Variants in MZT2B observed in about 807,000 individuals in gnomAD.
The protein encoded by MZT2B is mitotic spindle organizing protein 2B.
Under a neutral mutation model 12.1 loss-of-function variants are expected in MZT2B, and 11 were observed. That is an observed-to-expected ratio of 0.91 (90% CI 0.57 to 1.50). The LOEUF (loss-of-function observed/expected upper bound fraction) is 1.50. Among genes scored for constraint, MZT2B ranks in the 40% most tolerant of loss-of-function variants. MZT2B has a pLI of 0.00. For synonymous variants in MZT2B, 85 were observed against 109.5 expected, an observed-to-expected ratio of 0.78 and a Z score of 1.40; for missense variants, 209 against 227.7, an observed-to-expected ratio of 0.92 and a Z score of 0.53.
Position 130,190,726 on chromosome 2 carries a change from C to T in MZT2B, c.*100C>T. 2 of 1,453,080 alleles carry T rather than the reference C, an allele frequency of 1.4e-6. No individual in the cohort carries two copies. Among genetic ancestry groups the T allele is most frequent in the South Asian group, 1.5e-5 (1 of 66,178 alleles). 90.0% of individuals were successfully genotyped at this position (1,453,080 alleles called of 1,614,324 possible). ...TTTCTGAGATGCAGAGGGTCCAGGT[C>T]AGATGTTGTCTACCGTTTTTTTTTT... On this transcript the variant is annotated 3_prime_UTR_variant, in exon 3 of 3. Transcript: ENST00000281871.
intron 2 of MZT2B, chr2:130,184,729 A>C (rs1689992246): frequency 1.0e-6 from 1 of 985,310 alleles, no homozygotes. Context: ...AACTGGGAAC[A>C]GAGTCCTTGT....
At chr2:130,183,066 G>A in intron 2 of MZT2B, 3 of 544,702 alleles carry the variant, frequency 5.5e-6, no homozygotes, top group Non-Finnish European at 9.6e-6. Flanking sequence ...ATCCTACAAC[G>A]TCGGGAATCA....
At chr2:130,181,666 TTACCTCAAA>T (rs1689657538), upstream of MZT2B, 3 of 1,550,778 alleles carry the variant, frequency 1.9e-6, no homozygotes, top group Admixed American at 5.9e-5. Context: ...CTTTGGGCCG[TTACCTCAAA>T]AGGCGCGTGC....
intron 2 of MZT2B, chr2:130,184,757 C>G (rs1689994772): frequency 7.1e-6 from 7 of 985,436 alleles, no homozygotes; most frequent in Non-Finnish European, 8.4e-6. Flanking sequence ...GGGGATGTTG[C>G]TGCTCACTCA....
chr2:130,192,063 G>A (rs149720931), downstream of MZT2B: 359 of 1,613,524 alleles, frequency 2.2e-4, no homozygotes, highest in African/African-American at 4.1e-3. Flanking sequence ...CATGCACACG[G>A]CCCGCTGCAC....
downstream of MZT2B, among the ~76,000 whole-genome samples, chr2:130,191,420 G>A (rs957966944): frequency 1.3e-5 from 2 of 152,116 alleles, no homozygotes; most frequent in African/African-American, 4.8e-5. Flanking sequence ...TCATGGACAA[G>A]CCCCATCCAC....
chr2:130,184,888 A>G, intron 2 of MZT2B: 1 of 985,228 alleles, frequency 1.0e-6, no homozygotes, highest in Non-Finnish European at 1.2e-6. Context: ...CAGCGAGACC[A>G]GTGTGGTGGC....
the MZT2B span, among the ~76,000 whole-genome samples, chr2:130,203,678 G>A: frequency 6.6e-6 from 1 of 151,682 alleles, no homozygotes; most frequent in African/African-American, 2.4e-5. Context: ...TGAACTCCTG[G>A]GCTCAAGTGA....
chr2:130,185,322 A>C (rs1462167459), intron 2 of MZT2B, among the ~76,000 whole-genome samples: 1 of 150,768 alleles, frequency 6.6e-6, no homozygotes, highest in Non-Finnish European at 1.5e-5. Context: ...AAAAAAAAAA[A>C]AAACTAGCCA....
rs754836457 is a variant in MZT2B at position 130,186,960 on chromosome 2, T to G, written c.320-3509T>G. Among the ~76,000 whole-genome samples the G allele has an allele frequency of 4.7e-4, 58 of 122,748 alleles. 15 individuals are homozygous for G. The highest frequency in any genetic ancestry group is 9.8e-4 in the Non-Finnish European group (55 of 56,408). The allele number at this position is 122,748 out of a possible 152,430, so 80.5% of individuals were successfully genotyped here. On this transcript the variant is annotated intron_variant, in intron 2 of 2. Transcript: ENST00000281871. ...GAGGCTGGGCATTGGTTCACACCTGTAATCCCAGCACTTTGGGAGGCTGAG... is the reference window on the plus strand; with the variant it reads ...GAGGCTGGGCATTGGTTCACACCTGGAATCCCAGCACTTTGGGAGGCTGAG...
In MZT2B at chr2:130,182,650, T is replaced by A. The variant is rs1237320234; in HGVS notation, c.194T>A (p.Leu65Gln). The A allele has an allele frequency of 6.5e-7, 1 of 1,546,684 alleles. No homozygotes were observed. Among genetic ancestry groups the A allele is most frequent in the Non-Finnish European group, 8.7e-7 (1 of 1,147,006 alleles). The change falls in exon 2 of 3, where the codon CTG becomes CAG. Residue 65 changes from leucine (L) to glutamine (Q), a missense_variant. Transcript: ENST00000281871. ...AGGATCCTGGTGGACCTGCTGAAGC[T>A]GAACGTGGCCCCCCTCGCCGTCTTC... The part of the protein sequence containing the change: ...VFKILVDLLK[L>Q]NVAPLAVFQM...
intron 1 of MZT2B, 81 bp downstream of exon 1, chr2:130,182,533 G>A: frequency 1.9e-6 from 3 of 1,550,660 alleles, no homozygotes; most frequent in African/African-American, 1.4e-5. Flanking sequence ...CCCGCTGGTC[G>A]GGAGGAGCCC....
the MZT2B span, among the ~76,000 whole-genome samples, chr2:130,199,999 G>A: frequency 1.6e-4 from 24 of 152,212 alleles, no homozygotes; most frequent in African/African-American, 5.3e-4. Flanking sequence ...GGGAGGCTGA[G>A]GTAGGATAAT....
At chr2:130,194,431 G>C (rs1398400035), downstream of MZT2B, 1 of 1,596,606 alleles carries the variant, frequency 6.3e-7, no homozygotes, top group Admixed American at 1.7e-5. Flanking sequence ...AGCTGTGGAA[G>C]ATGAGGAAGC....
At position 130,184,976 on chromosome 2, in the gene MZT2B, G is replaced by A. The variant is rs1202922319; in HGVS notation, c.319+2201G>A. Reference sequence around the variant, plus strand: ...GCTCAGGAGTTCAAGACCAGCCTGGGCAACATAGCAAGACCCCATCTCTAC... The same window carrying A: ...GCTCAGGAGTTCAAGACCAGCCTGGACAACATAGCAAGACCCCATCTCTAC... On this transcript the variant is annotated intron_variant, in intron 2 of 2. Coordinates refer to ENST00000281871, the MANE Select transcript of MZT2B (RefSeq NM_025029.5). 7 of 740,186 alleles carry A rather than the reference G, an allele frequency of 9.5e-6. No individual in the cohort carries two copies. The African/African-American group carries it at 9.5e-5, about 10-fold the overall frequency. 45.9% of individuals were successfully genotyped at this position (740,186 alleles called of 1,614,324 possible). A position where few individuals can be genotyped will look rare whatever the true frequency, so the allele number is the denominator to read the frequency against.
the MZT2B span, among the ~76,000 whole-genome samples, chr2:130,203,770 T>C: frequency 6.6e-6 from 1 of 152,216 alleles, no homozygotes; most frequent in Non-Finnish European, 1.5e-5. Flanking sequence ...ACTTTGCCTA[T>C]GTATTTTTTT....
Position 130,182,325 on chromosome 2 carries a change from C to T in MZT2B, c.43C>T (p.Pro15Ser), listed in dbSNP as rs758360579. The T allele has an allele frequency of 1.1e-5, 17 of 1,520,942 alleles. No homozygotes were observed. Among genetic ancestry groups the T allele is most frequent in the Middle Eastern group, 2.3e-4 (1 of 4,342 alleles). 94.2% of individuals were successfully genotyped at this position (1,520,942 alleles called of 1,614,324 possible). ...GVGPGPGSAA[P>S]PGLEAARQKL... is the part of the protein sequence containing the mutation. ...AGGGCCTGGGCCGGGGTCGGCGGCGCCCCCGGGGCTGGAGGCGGCCCGGCA... is the reference window on the plus strand; with the variant it reads ...AGGGCCTGGGCCGGGGTCGGCGGCGTCCCCGGGGCTGGAGGCGGCCCGGCA... Residue 15 changes from proline (P) to serine (S), a missense_variant, in exon 1 of 3, where the codon CCC becomes TCC. Transcript: ENST00000281871.
rs1168791715 is a variant in MZT2B, at chr2:130,184,259, C to T, written c.319+1484C>T. On this transcript the variant is annotated intron_variant, in intron 2 of 2. Coordinates refer to ENST00000281871, the MANE Select transcript of MZT2B (RefSeq NM_025029.5). ...GAGCCCCTCTCCAAGGGAAGACAGC[C>T]GGCCAGAGTGCGGTGTGCTGTGCTG... The T allele has an allele frequency of 1.0e-5, 10 of 985,320 alleles. No individual in the cohort carries two copies. The East Asian group carries it at 3.4e-4, about 33-fold the overall frequency. The allele number at this position is 985,320 out of a possible 1,614,324, so 61.0% of individuals were successfully genotyped here. A position where few individuals can be genotyped will look rare whatever the true frequency, so the allele number is the denominator to read the frequency against.
chr2:130,182,324 G>GC lies in MZT2B; in HGVS notation c.47dup (p.Leu18AlafsTer164). 2.0e-6 allele frequency: 3 copies of GC among 1,519,012 alleles called. No homozygotes were observed. Among genetic ancestry groups the GC allele is most frequent in the African/African-American group, 1.4e-5 (1 of 70,500 alleles). 94.1% of individuals were successfully genotyped at this position (1,519,012 alleles called of 1,614,324 possible). A position where few individuals can be genotyped will look rare whatever the true frequency, so the allele number is the denominator to read the frequency against. ...TAGGGCCTGGGCCGGGGTCGGCGGC[G>GC]CCCCCGGGGCTGGAGGCGGCCCGGC... On this transcript the variant is annotated frameshift_variant, in exon 1 of 3. Transcript: ENST00000281871. LOFTEE classifies it high-confidence loss of function.
Sources: allele counts gnomAD v4.1 joint callset (sites outside exome capture counted in the v4.1 genomes callset), GRCh38; gene constraint gnomAD v4.1.1; transcripts MANE v1.5; gene names NCBI Gene and HGNC (gene_info 2026-07-23, HGNC 2026-07-21).